Variants in RAVER2 observed in about 807,000 individuals in gnomAD.
The protein encoded by RAVER2 is ribonucleoprotein PTB-binding 2.
In RAVER2, 46 loss-of-function variants were observed where a neutral mutation model predicts 78.1. The ratio of observed to expected loss-of-function variants is 0.59; its 90% CI spans 0.46 to 0.75. RAVER2 has a LOEUF of 0.75. Ranked by LOEUF, RAVER2 falls within the 30% of genes least tolerant of loss-of-function variation. RAVER2 has a pLI of 0.00. For missense variants in RAVER2, 793 were observed against 837.5 expected, an observed-to-expected ratio of 0.95 and a Z score of 0.66; for synonymous variants, 311 against 313.3, an observed-to-expected ratio of 0.99 and a Z score of 0.08.
chr1:64,796,034 T>A (rs1021677352), intron 5 of RAVER2, among the ~76,000 whole-genome samples: 6 of 152,060 alleles, frequency 3.9e-5, no homozygotes, highest in Non-Finnish European at 8.8e-5. Flanking sequence ...CTTTTCTCCA[T>A]CTATTGAGAT....
chr1:64,769,460 G>A (rs1392168411), intron 2 of RAVER2, among the ~76,000 whole-genome samples: 1 of 152,036 alleles, frequency 6.6e-6, no homozygotes, highest in African/African-American at 2.4e-5. Context: ...ATTACATTTT[G>A]ATAGCCATTA....
chr1:64,745,186 C>T lies in RAVER2; in HGVS notation c.14C>T (p.Ala5Val), dbSNP rs1021000472. Residue 5 changes from alanine (A) to valine (V), a missense_variant, in exon 1 of 12, where the codon GCG (alanine) becomes GTG (valine). Ala to Val is a moderately conservative substitution (Grantham distance 64). Transcript: ENST00000294428. This position sits in a 1 kb window ranked among gnomAD's most constrained non-coding sequence, Gnocchi z 4.3. ...GCGCCCGGGAAGATGGCGGCGGCGGCGGGAGACGGCGGCGGCGAGGGGGGC... is the reference window on the plus strand; with the variant it reads ...GCGCCCGGGAAGATGGCGGCGGCGGTGGGAGACGGCGGCGGCGAGGGGGGC... The T allele has an allele frequency of 9.8e-7, 1 of 1,020,144 alleles. No individual in the cohort carries two copies. The highest frequency in any genetic ancestry group is 1.7e-5 in the African/African-American group (1 of 57,628). The allele number at this position is 1,020,144 out of a possible 1,614,324, so 63.2% of individuals were successfully genotyped here. A position where few individuals can be genotyped will look rare whatever the true frequency, so the allele number is the denominator to read the frequency against.
At chr1:64,811,357 C>T (rs746795970) in intron 9 of RAVER2, among the ~76,000 whole-genome samples, 5 of 152,138 alleles carry the variant, frequency 3.3e-5, no homozygotes, top group African/African-American at 4.8e-5. Context: ...AGTGATGTCT[C>T]GTCATGCTTG....
chr1:64,811,502 T>A (rs1444159149), intron 9 of RAVER2, among the ~76,000 whole-genome samples: 3 of 152,196 alleles, frequency 2.0e-5, no homozygotes, highest in Non-Finnish European at 4.4e-5. Flanking sequence ...TTCGAATTGC[T>A]TGATGTGTAC....
At chr1:64,820,889 T>C (rs1653873661) in intron 11 of RAVER2, among the ~76,000 whole-genome samples, 1 of 152,222 alleles carries the variant, frequency 6.6e-6, no homozygotes, top group South Asian at 2.1e-4. Flanking sequence ...GTATTTATGA[T>C]AGAATAATTT....
At chr1:64,820,070 G>A (rs1415777393) in intron 11 of RAVER2, among the ~76,000 whole-genome samples, 1 of 152,090 alleles carries the variant, frequency 6.6e-6, no homozygotes, top group African/African-American at 2.4e-5. Context: ...AGGACAATAA[G>A]GTAAATGAAA....
At chr1:64,758,855 A>G (rs1009422175) in intron 1 of RAVER2, among the ~76,000 whole-genome samples, 2 of 150,996 alleles carry the variant, frequency 1.3e-5, no homozygotes, top group African/African-American at 5.0e-5. Context: ...ACAATAATAG[A>G]TAACTAATAC....
exon 3 of RAVER2, chr1:64,777,785 A>G (rs1169268536): frequency 6.2e-7 from 1 of 1,613,970 alleles, no homozygotes; most frequent in Admixed American, 1.7e-5. Context: ...GAGTTTGAAG[A>G]ACTTGTTCGT....
chr1:64,805,849 G>A (rs1653403648), intron 8 of RAVER2, among the ~76,000 whole-genome samples: 1 of 152,118 alleles, frequency 6.6e-6, no homozygotes, highest in South Asian at 2.1e-4. Flanking sequence ...TTAAGCCAGT[G>A]AAGAAATTTT....
intron 11 of RAVER2, among the ~76,000 whole-genome samples, chr1:64,822,580 T>TG (rs1382205544): frequency 6.6e-6 from 1 of 152,154 alleles, no homozygotes; most frequent in Non-Finnish European, 1.5e-5. Context: ...CATACAGTGC[T>TG]GGGGGTTGGT....
intron 2 of RAVER2, among the ~76,000 whole-genome samples, chr1:64,770,049 A>G (rs1426992612): frequency 1.3e-5 from 2 of 152,002 alleles, no homozygotes; most frequent in Non-Finnish European, 1.5e-5. Context: ...TTATCATGTG[A>G]ATTTATTACG....
At chr1:64,826,384 G>T (rs1341260947) in intron 11 of RAVER2, among the ~76,000 whole-genome samples, 2 of 152,318 alleles carry the variant, frequency 1.3e-5, no homozygotes, top group Non-Finnish European at 2.9e-5. Context: ...CTTGGGCAAA[G>T]ACCAGAACTT....
At chr1:64,777,192 C>T (rs1043958605) in intron 2 of RAVER2, among the ~76,000 whole-genome samples, 2 of 151,978 alleles carry the variant, frequency 1.3e-5, no homozygotes, top group African/African-American at 2.4e-5. Context: ...AGAACTCTTT[C>T]TAGGAAGAAA....
chr1:64,763,954 A>ACACACACACACACACC (rs1186925233), intron 1 of RAVER2, among the ~76,000 whole-genome samples: 2 of 149,026 alleles, frequency 1.3e-5, no homozygotes, highest in African/African-American at 5.0e-5. Context: ...ACACACACAC[A>ACACACACACACACACC]CCCCTACCAT....
At chr1:64,767,730 A>G (rs1652211356) in intron 1 of RAVER2, among the ~76,000 whole-genome samples, 1 of 152,070 alleles carries the variant, frequency 6.6e-6, no homozygotes, top group African/African-American at 2.4e-5. Context: ...TGATTTAACA[A>G]CGAAACAATT....
chr1:64,814,730 A>G, exon 11 of RAVER2: 2 of 1,557,734 alleles, frequency 1.3e-6, no homozygotes, highest in Non-Finnish European at 1.7e-6. Context: ...CACTCTTCAT[A>G]AGACTGGAAT....
chr1:64,767,089 A>G (rs1652194057), intron 1 of RAVER2, among the ~76,000 whole-genome samples: 1 of 152,134 alleles, frequency 6.6e-6, no homozygotes, highest in African/African-American at 2.4e-5. Context: ...TATCAACTTT[A>G]TCTTTCATAT....
intron 2 of RAVER2, among the ~76,000 whole-genome samples, chr1:64,776,714 G>A (rs1027951408): frequency 3.3e-5 from 5 of 151,972 alleles, no homozygotes; most frequent in African/African-American, 1.2e-4. Flanking sequence ...TTTTTTAATG[G>A]GGGCTTTAAA....
chr1:64,777,275 G>GT (rs1165677904), intron 2 of RAVER2, among the ~76,000 whole-genome samples: 4 of 151,922 alleles, frequency 2.6e-5, no homozygotes, highest in African/African-American at 7.3e-5. Context: ...TATATCACAG[G>GT]TTTTTGGGTG....
Sources: gnomAD v4.1 joint callset for allele counts (sites outside exome capture counted in the v4.1 genomes callset) on GRCh38, gnomAD v4.1.1 for gene constraint, Gnocchi (gnomAD v3.1) non-coding constraint, MANE v1.5 for transcripts, NCBI Gene and HGNC (gene_info 2026-07-23, HGNC 2026-07-21) for gene names.